The following SLC67A1 variants were observed in gnomAD, a reference collection of about 807,000 sequenced individuals.
SLC67A1 encodes the protein solute carrier family 67 member A1.
chr11:2,923,019 C>T, the SLC67A1 span, among the ~76,000 whole-genome samples: 4 of 152,230 alleles, frequency 2.6e-5, no homozygotes, highest in African/African-American at 9.6e-5. This position sits in a 1 kb window ranked among gnomAD's most constrained non-coding sequence, Gnocchi z 6.5. Flanking sequence ...CTGCAGGGGA[C>T]ACAGGTCCCC....
At chr11:2,922,021 AG>A in the SLC67A1 span, 1 of 1,077,492 alleles carries the variant, frequency 9.3e-7, no homozygotes, top group African/African-American at 1.5e-5. Flanking sequence ...GGAGGTCCCC[AG>A]CTTTGGGGGC....
At chr11:2,912,868 C>T in the SLC67A1 span, among the ~76,000 whole-genome samples, 7 of 152,276 alleles carry the variant, frequency 4.6e-5, no homozygotes, top group Admixed American at 2.6e-4. Flanking sequence ...TTGCCTTCCC[C>T]AGGTGGACAG....
chr11:2,904,295 C>A, the SLC67A1 span, among the ~76,000 whole-genome samples: 106 of 152,324 alleles, frequency 7.0e-4, no homozygotes, highest in African/African-American at 2.2e-3. Flanking sequence ...AGAGCCTGGA[C>A]CTGGGCATCT....
the SLC67A1 span, chr11:2,903,417 G>T: frequency 6.2e-7 from 1 of 1,613,130 alleles, no homozygotes. Context: ...GCCGGTCCTC[G>T]GTCATCTTGC....
chr11:2,919,316 T>G, the SLC67A1 span: 1 of 1,613,660 alleles, frequency 6.2e-7, no homozygotes. Flanking sequence ...GGGCTCTTCA[T>G]GGTCATGTTC....
chr11:2,916,618 G>A, the SLC67A1 span: 29 of 1,609,228 alleles, frequency 1.8e-5, no homozygotes, highest in Middle Eastern at 3.5e-4. Context: ...GCTGTTGCCC[G>A]CAGGATTCAG....
chr11:2,909,165 G>C, the SLC67A1 span: 545,633 of 1,464,648 alleles, frequency 0.37, 106,826 homozygotes, highest in Non-Finnish European at 0.39. Flanking sequence ...GACCGCCTCC[G>C]TGAGGGTCCG....
the SLC67A1 span, chr11:2,909,645 C>T: frequency 6.5e-7 from 1 of 1,536,110 alleles, no homozygotes; most frequent in Non-Finnish European, 8.7e-7. Context: ...GCCGGCTGGG[C>T]CTCTGCTTCG....
the SLC67A1 span, chr11:2,909,348 C>A: frequency 6.8e-7 from 1 of 1,464,278 alleles, no homozygotes; most frequent in Non-Finnish European, 8.9e-7. Flanking sequence ...CTCATGCACA[C>A]GCTGCCAGGT....
At chr11:2,903,065 C>T in the SLC67A1 span, 1 of 540,030 alleles carries the variant, frequency 1.9e-6, no homozygotes, top group African/African-American at 1.9e-5. Flanking sequence ...AGCAGCTTGT[C>T]CCTGTCTCCC....
the SLC67A1 span, among the ~76,000 whole-genome samples, chr11:2,911,627 G>GCCGCCTCCTT: frequency 5.3e-5 from 8 of 152,142 alleles, no homozygotes; most frequent in African/African-American, 1.4e-4. Flanking sequence ...GCCGCCTGCT[G>GCCGCCTCCTT]CCGCCTCCTT....
the SLC67A1 span, chr11:2,914,658 G>C: frequency 1.0e-6 from 1 of 976,376 alleles, no homozygotes. Flanking sequence ...ACCACCGCTC[G>C]AGGGCCTGGC....
At chr11:2,909,030 G>T in the SLC67A1 span, among the ~76,000 whole-genome samples, 1 of 152,226 alleles carries the variant, frequency 6.6e-6, no homozygotes, top group Non-Finnish European at 1.5e-5. Flanking sequence ...GGAAACTGAG[G>T]CCCTGAGAGG....
the SLC67A1 span, chr11:2,922,608 A>G: frequency 7.7e-7 from 1 of 1,295,034 alleles, no homozygotes; most frequent in African/African-American, 1.9e-5. Flanking sequence ...CCTAGGAGCT[A>G]CCCGGTGGGG....
the SLC67A1 span, among the ~76,000 whole-genome samples, chr11:2,911,378 C>G: frequency 6.6e-6 from 1 of 151,706 alleles, no homozygotes; most frequent in African/African-American, 2.4e-5. Context: ...GCTTAGGGCA[C>G]TTGTGTGGGC....
chr11:2,915,555 C>T, the SLC67A1 span, among the ~76,000 whole-genome samples: 1 of 152,216 alleles, frequency 6.6e-6, no homozygotes, highest in African/African-American at 2.4e-5. Flanking sequence ...GCGGTCTCCG[C>T]GCAGGGTCCA....
chr11:2,919,615 C>T, the SLC67A1 span: 124 of 558,656 alleles, frequency 2.2e-4, no homozygotes, highest in African/African-American at 1.8e-3. Flanking sequence ...CAGTGGACTC[C>T]GGCCTCTGAT....
the SLC67A1 span, among the ~76,000 whole-genome samples, chr11:2,911,558 G>C: frequency 1.3e-5 from 2 of 152,100 alleles, no homozygotes; most frequent in Non-Finnish European, 2.9e-5. Flanking sequence ...TGGCTGAGCT[G>C]GGCGGCTGCC....
At chr11:2,905,975 A>T in the SLC67A1 span, among the ~76,000 whole-genome samples, 1,793 of 152,302 alleles carry the variant, frequency 0.012, 38 homozygotes, top group African/African-American at 0.04. Context: ...AGGAGGCAAA[A>T]GGTTGGGATG....
Sources: allele counts gnomAD v4.1 joint callset (sites outside exome capture counted in the v4.1 genomes callset), GRCh38; gene constraint gnomAD v4.1.1; non-coding constraint Gnocchi (gnomAD v3.1); transcripts MANE v1.5; gene names NCBI Gene and HGNC (gene_info 2026-07-23, HGNC 2026-07-21).